The following MYO18B variants were observed in gnomAD, a reference collection of about 807,000 sequenced individuals.
MYO18B encodes myosin XVIIIB, also known as unconventional myosin-XVIIIb.
MYO18B carries 204 observed loss-of-function variants against 273.0 expected under a neutral mutation model. The ratio of observed to expected loss-of-function variants is 0.75; its 90% CI spans 0.67 to 0.84. MYO18B has a LOEUF of 0.84. Ranked by LOEUF, MYO18B falls within the 40% of genes least tolerant of loss-of-function variation. MYO18B has a pLI of 0.00. For synonymous variants in MYO18B, 1,330 were observed against 1,305.7 expected (o/e 1.02, Z -0.40); for missense variants, 3,212 against 3,287.6 (o/e 0.98, Z 0.56).
At chr22:25,835,175 C>G in intron 16 of MYO18B, 121 bp from the exon 17 acceptor site, 1 of 1,237,778 alleles carries the variant, frequency 8.1e-7, no homozygotes. Context: ...TGGGTAGGCA[C>G]GTTCTGAGTC....
intron 34 of MYO18B, among the ~76,000 whole-genome samples, chr22:25,943,574 G>A (rs543924269): frequency 1.3e-5 from 2 of 152,136 alleles, no homozygotes; most frequent in African/African-American, 4.8e-5. Flanking sequence ...CAGCTGCCCT[G>A]CCGCACTAGT....
intron 19 of MYO18B, among the ~76,000 whole-genome samples, chr22:25,846,723 T>C (rs2090257640): frequency 6.6e-6 from 1 of 152,052 alleles, no homozygotes; most frequent in African/African-American, 2.4e-5. Context: ...GAACATGAGA[T>C]TGGTCAATGG....
rs571791224 is a variant in MYO18B at position 25,755,986 on chromosome 22, C to T, written c.-109-4998C>T. Reference sequence around the variant, plus strand: ...GATGTCAGCTCACTGCAAGCTCTGCCTCCTGGGTTCACGCCATACTTTTGC... The same window carrying T: ...GATGTCAGCTCACTGCAAGCTCTGCTTCCTGGGTTCACGCCATACTTTTGC... On this transcript the variant is annotated intron_variant, in intron 1 of 43. Coordinates refer to ENST00000335473, the MANE Select transcript of MYO18B (RefSeq NM_032608.7). Among the ~76,000 whole-genome samples, 7 of 152,168 alleles carry T rather than the reference C, an allele frequency of 4.6e-5. No individual in the cohort carries two copies. In the South Asian group the frequency reaches 1.2e-3, roughly 27 times the overall value.
chr22:25,746,704 C>T (rs1601579372), intron 1 of MYO18B, among the ~76,000 whole-genome samples: 1 of 152,348 alleles, frequency 6.6e-6, no homozygotes, highest in Middle Eastern at 3.4e-3. Flanking sequence ...GTGGCTCATA[C>T]AACTGAGACG....
chr22:26,039,837 C>A, the MYO18B span, among the ~76,000 whole-genome samples: 2 of 151,980 alleles, frequency 1.3e-5, no homozygotes, highest in African/African-American at 4.8e-5. Flanking sequence ...TATCACTCTT[C>A]TTTTCAAGGC....
intron 34 of MYO18B, among the ~76,000 whole-genome samples, chr22:25,942,813 G>A (rs1023361431): frequency 6.6e-6 from 1 of 152,078 alleles, no homozygotes; most frequent in African/African-American, 2.4e-5. Context: ...CTCCAGCCCA[G>A]TATGAGCTAA....
chr22:25,911,724 A>C (rs146957596), intron 33 of MYO18B, among the ~76,000 whole-genome samples: 157 of 152,324 alleles, frequency 1.0e-3, no homozygotes, highest in Non-Finnish European at 1.5e-3. Flanking sequence ...GACGACCAAA[A>C]ATTTCTACAG....
intron 39 of MYO18B, chr22:25,959,183 T>C (rs1247318150): frequency 6.6e-6 from 1 of 152,132 alleles, no homozygotes; most frequent in East Asian, 1.9e-4. Flanking sequence ...AGAAGGCCAG[T>C]TGGCACCAAA....
At chr22:25,811,139 G>A (rs953985053) in intron 12 of MYO18B, among the ~76,000 whole-genome samples, 6 of 150,872 alleles carry the variant, frequency 4.0e-5, no homozygotes, top group Non-Finnish European at 7.4e-5. Context: ...TCAGCCTCCC[G>A]AGTGGCTGGG....
intron 34 of MYO18B, among the ~76,000 whole-genome samples, chr22:25,932,775 T>A (rs2092524959): frequency 6.6e-6 from 1 of 152,270 alleles, no homozygotes; most frequent in South Asian, 2.1e-4. Flanking sequence ...GCCAACTGCA[T>A]GTTTCTTTGT....
Position 25,797,910 on chromosome 22 carries a change from A to C in MYO18B, c.2377-43A>C, listed in dbSNP as rs2087994011. ...CAAGTTGTGAGCTTGTGTTTTCTCC[A>C]TCGCGATGGCCTTGTTTTCTTCCTC... On this transcript the variant is annotated intron_variant, in intron 11 of 43. Transcript: ENST00000335473. 4.3e-6 allele frequency: 7 copies of C among 1,613,534 alleles called. No homozygotes were observed. The East Asian group carries it at 1.6e-4, about 36-fold the overall frequency.
intron 17 of MYO18B, 133 bp from the exon 18 acceptor site, chr22:25,843,602 T>A (rs2090147898): frequency 2.6e-6 from 2 of 783,664 alleles, no homozygotes; most frequent in African/African-American, 3.4e-5. Flanking sequence ...AGGAGAAATG[T>A]GGGTGCCTTC....
Position 26,027,686 on chromosome 22 carries a change from T to G in MYO18B, c.*8T>G. Reference sequence around the variant, plus strand: ...AAATACCTCCAGAAGTAGGAACCAGTTCAGGTAAAAGCAACAGGCTGGGGC... The same window carrying G: ...AAATACCTCCAGAAGTAGGAACCAGGTCAGGTAAAAGCAACAGGCTGGGGC... On this transcript the variant is annotated 3_prime_UTR_variant, in exon 43 of 44. Transcript: ENST00000335473. The surrounding 1 kb of genome is among the most constrained non-coding windows in gnomAD (Gnocchi z 4.1). 1 of 1,602,138 alleles carries G rather than the reference T, an allele frequency of 6.2e-7. No homozygotes were observed.
chr22:25,853,658 G>A, intron 21 of MYO18B, among the ~76,000 whole-genome samples: 1 of 152,068 alleles, frequency 6.6e-6, no homozygotes, highest in Non-Finnish European at 1.5e-5. Context: ...AGTCAGGTGT[G>A]GGGGAGTTTT....
At chr22:25,919,552 T>A (rs984799702) in intron 33 of MYO18B, among the ~76,000 whole-genome samples, 2 of 152,318 alleles carry the variant, frequency 1.3e-5, no homozygotes, top group East Asian at 3.9e-4. Context: ...ACTACATTTG[T>A]AAAGGCAATA....
chr22:26,042,188 A>G, the MYO18B span, among the ~76,000 whole-genome samples: 5 of 152,322 alleles, frequency 3.3e-5, no homozygotes, highest in East Asian at 1.9e-4. Flanking sequence ...CTGGTGTTCA[A>G]TGCCAGCCTT....
intron 12 of MYO18B, among the ~76,000 whole-genome samples, chr22:25,801,135 A>C (rs2088174415): frequency 6.6e-6 from 1 of 152,172 alleles, no homozygotes; most frequent in African/African-American, 2.4e-5. Flanking sequence ...ATTTTCATTA[A>C]TCAGGTTTTT....
chr22:25,842,576 G>A (rs1252805742), intron 17 of MYO18B, among the ~76,000 whole-genome samples: 1 of 151,642 alleles, frequency 6.6e-6, no homozygotes, highest in Non-Finnish European at 1.5e-5. Context: ...GGAGGCTGAG[G>A]CAGGAGAATC....
chr22:25,873,791 A>G (rs2091113976), intron 22 of MYO18B, among the ~76,000 whole-genome samples: 1 of 152,106 alleles, frequency 6.6e-6, no homozygotes, highest in African/African-American at 2.4e-5. Context: ...GTGGGTGCTT[A>G]CCCAAAATAT....
Sources: allele counts gnomAD v4.1 joint callset (sites outside exome capture counted in the v4.1 genomes callset), GRCh38; gene constraint gnomAD v4.1.1; non-coding constraint Gnocchi (gnomAD v3.1); transcripts MANE v1.5; gene names NCBI Gene and HGNC (gene_info 2026-07-23, HGNC 2026-07-21).